The following DCC variants were observed in gnomAD, a reference collection of about 807,000 sequenced individuals.
The protein encoded by DCC is DCC netrin 1 receptor, also known as netrin receptor DCC.
A neutral mutation model predicts 172.5 loss-of-function variants in DCC; 58 were observed. That is an observed-to-expected ratio of 0.34 (90% CI 0.27 to 0.42). The LOEUF (loss-of-function observed/expected upper bound fraction) is 0.42. Among genes scored for constraint, DCC ranks in the 10% least tolerant of loss-of-function variants. The probability of loss-of-function intolerance (pLI) is 1.00; values close to 1 mark genes in which losing one functional copy is unlikely to be tolerated. For synonymous variants in DCC, 709 were observed against 644.5 expected, an observed-to-expected ratio of 1.10 and a Z score of -1.52; for missense variants, 1,740 against 1,791.0, an observed-to-expected ratio of 0.97 and a Z score of 0.51.
At chr18:53,209,278 A>AG (rs1322705446) in intron 11 of DCC, among the ~76,000 whole-genome samples, 2 of 152,214 alleles carry the variant, frequency 1.3e-5, no homozygotes, top group Admixed American at 1.3e-4. Context: ...AAATTTTATA[A>AG]AAAGTGAAAA....
chr18:52,708,326 C>G (rs2036242480), intron 1 of DCC, among the ~76,000 whole-genome samples: 1 of 151,812 alleles, frequency 6.6e-6, no homozygotes, highest in South Asian at 2.1e-4. Context: ...CCTGTAGTCC[C>G]AGCTACTTGG....
intron 3 of DCC, among the ~76,000 whole-genome samples, chr18:52,907,864 A>C (rs949429430): frequency 6.6e-6 from 1 of 152,202 alleles, no homozygotes; most frequent in African/African-American, 2.4e-5. Flanking sequence ...AGTAATTACA[A>C]TAGGGTGTGA....
Position 53,289,748 on chromosome 18 carries a change from A to G in DCC, c.1912-15830A>G, listed in dbSNP as rs958413033. Among the ~76,000 whole-genome samples, 6 of 152,150 alleles carry G rather than the reference A, an allele frequency of 3.9e-5. No individual in the cohort carries two copies. The South Asian group carries it at 1.2e-3, about 32-fold the overall frequency. On this transcript the variant is annotated intron_variant, in intron 12 of 28. Transcript: ENST00000442544. Reference sequence around the variant, plus strand: ...ATTTTGAGACTGCTGAGATCTCTTGATTGTGCATCTGACGTGATGCTTCAG... The same window carrying G: ...ATTTTGAGACTGCTGAGATCTCTTGGTTGTGCATCTGACGTGATGCTTCAG...
intron 1 of DCC, among the ~76,000 whole-genome samples, chr18:52,411,248 T>C (rs1986833151): frequency 6.6e-6 from 1 of 152,116 alleles, no homozygotes; most frequent in African/African-American, 2.4e-5. Context: ...TTTCAATTTC[T>C]CTCCCTGCCT....
At chr18:53,015,345 A>T (rs894009231) in intron 5 of DCC, among the ~76,000 whole-genome samples, 1 of 152,214 alleles carries the variant, frequency 6.6e-6, no homozygotes. Context: ...CGAATTAAAC[A>T]TCATTTAATT....
chr18:52,939,915 A>G (rs908852625), intron 5 of DCC, among the ~76,000 whole-genome samples: 2 of 152,172 alleles, frequency 1.3e-5, no homozygotes, highest in African/African-American at 4.8e-5. Context: ...AAAATAGAAC[A>G]TTGTGCAATT....
At chr18:52,875,904 G>C (rs534861047) in intron 2 of DCC, among the ~76,000 whole-genome samples, 1 of 152,076 alleles carries the variant, frequency 6.6e-6, no homozygotes, top group African/African-American at 2.4e-5. Context: ...TTGCTTTATC[G>C]GGCACCTGCC....
At chr18:52,907,460 C>T (rs2039905678) in intron 3 of DCC, among the ~76,000 whole-genome samples, 1 of 151,682 alleles carries the variant, frequency 6.6e-6, no homozygotes, top group Non-Finnish European at 1.5e-5. Context: ...CTCTGTTGCC[C>T]AGGCTGAATG....
intron 2 of DCC, among the ~76,000 whole-genome samples, chr18:52,891,389 T>C (rs1005295091): frequency 6.6e-6 from 1 of 152,112 alleles, no homozygotes; most frequent in African/African-American, 2.4e-5. Flanking sequence ...TTGACATAAA[T>C]TATGTCATGA....
intron 1 of DCC, among the ~76,000 whole-genome samples, chr18:52,556,180 C>A (rs2032909292): frequency 6.6e-6 from 1 of 152,130 alleles, no homozygotes; most frequent in African/African-American, 2.4e-5. Context: ...GCTACCTTGG[C>A]TAGAATATTC....
chr18:52,882,717 A>G (rs1166017372), intron 2 of DCC, among the ~76,000 whole-genome samples: 2 of 152,154 alleles, frequency 1.3e-5, no homozygotes, highest in East Asian at 3.8e-4. Context: ...CCTGAGGAGA[A>G]GAATTTGTAT....
chr18:52,739,119 G>A (rs1445200028), intron 1 of DCC, among the ~76,000 whole-genome samples: 2 of 152,160 alleles, frequency 1.3e-5, no homozygotes, highest in East Asian at 3.9e-4. Flanking sequence ...CAATGGCTGT[G>A]ATGTCACTAG....
At chr18:52,377,374 A>G (rs1433737557) in intron 1 of DCC, among the ~76,000 whole-genome samples, 3 of 152,134 alleles carry the variant, frequency 2.0e-5, no homozygotes, top group Non-Finnish European at 4.4e-5. Flanking sequence ...AGAGGAGTTT[A>G]TTTACAAGGA....
At chr18:52,996,772 CTTTTTT>C (rs66600556) in intron 5 of DCC, among the ~76,000 whole-genome samples, 3 of 117,160 alleles carry the variant, frequency 2.6e-5, no homozygotes, top group African/African-American at 9.6e-5. Context: ...TCACCTTTTT[CTTTTTT>C]TTTTTTTTTT....
In DCC at chr18:53,486,807, C is replaced by A. The variant is rs749095614; in HGVS notation, c.3747C>A (p.Ser1249Arg). Residue 1249 changes from serine (S) to arginine (R), a missense_variant, in exon 26 of 29, where the codon AGC (serine) becomes AGA (arginine). Ser to Arg is a moderately radical substitution (Grantham distance 110). Around this residue, in one of 2 missense-constraint regions of DCC, gnomAD observed 1,732 missense variants for 1,767.4 expected, o/e 0.98. Transcript: ENST00000442544. Reference sequence around the variant, plus strand: ...CTTTTTCTTTTGCAGCTGTCGTGAGCGCCATCCCGGTGCCAACGCTAGAAA... The same window carrying A: ...CTTTTTCTTTTGCAGCTGTCGTGAGAGCCATCCCGGTGCCAACGCTAGAAA... The part of the protein sequence containing the change: ...DAQSNNPAVV[S>R]AIPVPTLESA... The A allele has an allele frequency of 2.5e-6, 4 of 1,614,088 alleles. No individual in the cohort carries two copies. Among genetic ancestry groups the A allele is most frequent in the South Asian group, 1.1e-5 (1 of 91,082 alleles).
chr18:53,506,551 T>TTCTC (rs2144503757), intron 27 of DCC, among the ~76,000 whole-genome samples: 1 of 152,080 alleles, frequency 6.6e-6, no homozygotes, highest in South Asian at 2.1e-4. Flanking sequence ...AAGAATAGAA[T>TTCTC]TCTCTGCGTT....
At chr18:52,987,662 G>A (rs1467709983) in intron 5 of DCC, among the ~76,000 whole-genome samples, 1 of 152,150 alleles carries the variant, frequency 6.6e-6, no homozygotes, top group South Asian at 2.1e-4. Context: ...TTGCAACAGA[G>A]CCCACCACTG....
chr18:53,234,148 G>A (rs1164435968), intron 12 of DCC, among the ~76,000 whole-genome samples: 1 of 152,190 alleles, frequency 6.6e-6, no homozygotes, highest in East Asian at 1.9e-4. Flanking sequence ...TACTCTGGAG[G>A]CTGAGGCAGG....
chr18:53,464,717 A>G (rs2045598109), intron 24 of DCC, among the ~76,000 whole-genome samples: 1 of 151,986 alleles, frequency 6.6e-6, no homozygotes, highest in Non-Finnish European at 1.5e-5. Context: ...GCTGTGGCTC[A>G]CACCTGTAAT....
Sources: allele counts gnomAD v4.1 joint callset (sites outside exome capture counted in the v4.1 genomes callset), GRCh38; gene constraint gnomAD v4.1.1; regional missense constraint gnomAD v4.1.1; transcripts MANE v1.5; gene names NCBI Gene and HGNC (gene_info 2026-07-23, HGNC 2026-07-21).